Variants in PCDH15 observed in about 807,000 individuals in gnomAD.
PCDH15 encodes the protein protocadherin related 15, also known as protocadherin-15.
In PCDH15, 129 loss-of-function variants were observed where a neutral mutation model predicts 178.5. That is an observed-to-expected ratio of 0.72 (90% CI 0.63 to 0.84). PCDH15 has a LOEUF of 0.84. Ranked by LOEUF, PCDH15 falls within the 40% of genes least tolerant of loss-of-function variation. The pLI, the probability that PCDH15 is intolerant of heterozygous loss-of-function variation, is 0.00. For synonymous variants in PCDH15, 800 were observed against 732.0 expected (o/e 1.09, Z -1.50); for missense variants, 2,230 against 2,099.9 (o/e 1.06, Z -1.21).
intron 2 of PCDH15, among the ~76,000 whole-genome samples, chr10:55,094,404 TG>T (rs1245093324): frequency 6.6e-6 from 1 of 150,814 alleles, no homozygotes; most frequent in Non-Finnish European, 1.5e-5. Context: ...GGTAGGGGGA[TG>T]GGGGAGGGAT....
intron 2 of PCDH15, among the ~76,000 whole-genome samples, chr10:55,079,127 C>T (rs530210762): frequency 9.2e-5 from 14 of 152,116 alleles, no homozygotes; most frequent in Admixed American, 9.2e-4. Context: ...TGATGTGTTG[C>T]TAGAGAATTA....
At chr10:54,401,623 T>C (rs143072540) in intron 3 of PCDH15, among the ~76,000 whole-genome samples, 2,386 of 151,636 alleles carry the variant, frequency 0.016, 41 homozygotes, top group Non-Finnish European at 0.021. Context: ...ATGAAAGAAA[T>C]TACAGAAATC....
intron 1 of PCDH15, among the ~76,000 whole-genome samples, chr10:54,764,435 T>G (rs1411493539): frequency 6.6e-6 from 1 of 151,974 alleles, no homozygotes; most frequent in Admixed American, 6.6e-5. Flanking sequence ...GTAGAAAATA[T>G]AGCTGGGAGT....
chr10:54,714,646 A>C (rs2095458940), intron 1 of PCDH15, among the ~76,000 whole-genome samples: 1 of 152,160 alleles, frequency 6.6e-6, no homozygotes, highest in Non-Finnish European at 1.5e-5. Context: ...TTAGAGTCAT[A>C]GTGAATTGGC....
intron 18 of PCDH15, among the ~76,000 whole-genome samples, chr10:54,041,457 T>C (rs2093542349): frequency 6.6e-6 from 1 of 152,078 alleles, no homozygotes; most frequent in Admixed American, 6.6e-5. Context: ...TTTGATCTTA[T>C]GTCACTTGAA....
chr10:54,603,566 A>G (rs1413091401), intron 2 of PCDH15, among the ~76,000 whole-genome samples: 1 of 151,754 alleles, frequency 6.6e-6, no homozygotes, highest in Non-Finnish European at 1.5e-5. Context: ...GCTGTGAGAC[A>G]AGATGGTGGA....
intron 3 of PCDH15, among the ~76,000 whole-genome samples, chr10:54,832,254 G>T (rs1953237747): frequency 1.3e-5 from 2 of 152,052 alleles, no homozygotes; most frequent in Admixed American, 6.6e-5. Flanking sequence ...TTCCGATACT[G>T]CCCATCCGAA....
intron 8 of PCDH15, among the ~76,000 whole-genome samples, chr10:54,245,269 ATT>A (rs1391813786): frequency 1.3e-5 from 2 of 152,176 alleles, no homozygotes; most frequent in Non-Finnish European, 1.5e-5. Context: ...TACATTTTTA[ATT>A]TAGATAAATG....
intron 21 of PCDH15, among the ~76,000 whole-genome samples, chr10:53,988,844 G>C (rs184038767): frequency 6.6e-6 from 1 of 151,956 alleles, no homozygotes; most frequent in East Asian, 1.9e-4. Context: ...CGAAATATGT[G>C]AATTATTGAT....
chr10:54,830,593 G>A (rs1591727128), intron 3 of PCDH15, among the ~76,000 whole-genome samples: 3 of 151,662 alleles, frequency 2.0e-5, no homozygotes, highest in Non-Finnish European at 4.4e-5. Flanking sequence ...GTGGGGTGGG[G>A]GTAGGGGGGA....
intron 2 of PCDH15, among the ~76,000 whole-genome samples, chr10:55,062,691 T>C (rs1163093969): frequency 2.0e-5 from 3 of 152,114 alleles, no homozygotes; most frequent in Non-Finnish European, 4.4e-5. Context: ...TCCAAACCCA[T>C]ATAATGTACA....
At chr10:55,035,940 CATTT>C (rs1312067475) in intron 2 of PCDH15, among the ~76,000 whole-genome samples, 4 of 152,088 alleles carry the variant, frequency 2.6e-5, no homozygotes, top group Non-Finnish European at 4.4e-5. Context: ...TTATTCATCA[CATTT>C]ATTCTCTTAA....
intron 2 of PCDH15, among the ~76,000 whole-genome samples, chr10:54,654,032 G>T (rs1299927579): frequency 6.6e-6 from 1 of 152,140 alleles, no homozygotes. Context: ...AACACACAAT[G>T]CAATATTATT....
chr10:54,794,751 C>A (rs558230720), intron 1 of PCDH15, among the ~76,000 whole-genome samples: 1 of 151,894 alleles, frequency 6.6e-6, no homozygotes, highest in African/African-American at 2.4e-5. Flanking sequence ...AATATTTTTT[C>A]CTTCTATCAT....
At chr10:54,266,012 G>C (rs73239211) in intron 8 of PCDH15, among the ~76,000 whole-genome samples, 4 of 151,510 alleles carry the variant, frequency 2.6e-5, no homozygotes, top group African/African-American at 4.8e-5. Context: ...TACTCTAAGA[G>C]TGATCACATA....
intron 1 of PCDH15, among the ~76,000 whole-genome samples, chr10:55,282,714 T>C (rs1842762725): frequency 6.6e-6 from 1 of 151,738 alleles, no homozygotes; most frequent in East Asian, 1.9e-4. Context: ...ATTAATTAAC[T>C]AATCAACATA....
intron 3 of PCDH15, among the ~76,000 whole-genome samples, chr10:54,866,777 TAGAC>T (rs1055334677): frequency 4.6e-5 from 7 of 151,722 alleles, no homozygotes; most frequent in Non-Finnish European, 7.4e-5. Flanking sequence ...AATGCAAAGA[TAGAC>T]AGTAGGTTGG....
chr10:55,164,209 G>A (rs1483397097), intron 2 of PCDH15, among the ~76,000 whole-genome samples: 1 of 151,612 alleles, frequency 6.6e-6, no homozygotes, highest in Non-Finnish European at 1.5e-5. Context: ...AAATAAAGTT[G>A]GAGTACTTGA....
At chr10:54,621,420 CA>C (rs1028088682) in intron 2 of PCDH15, among the ~76,000 whole-genome samples, 8 of 151,858 alleles carry the variant, frequency 5.3e-5, no homozygotes, top group African/African-American at 9.7e-5. Context: ...ATGAAATATG[CA>C]AACACTAAGT....
Sources: gnomAD v4.1 joint callset for allele counts (sites outside exome capture counted in the v4.1 genomes callset) on GRCh38, gnomAD v4.1.1 for gene constraint, MANE v1.5 for transcripts, NCBI Gene and HGNC (gene_info 2026-07-23, HGNC 2026-07-21) for gene names.